KDM3B: variants seen among roughly 807,000 people sequenced by gnomAD.
KDM3B encodes the protein lysine-specific demethylase 3B.
A neutral mutation model predicts 170.0 loss-of-function variants in KDM3B; 10 were observed. The ratio of observed to expected loss-of-function variants is 0.06; its 90% CI spans 0.04 to 0.10. The LOEUF (loss-of-function observed/expected upper bound fraction) is 0.10. Among genes scored for constraint, KDM3B ranks in the 10% least tolerant of loss-of-function variants. The pLI is 1.00. For synonymous variants in KDM3B, 831 were observed against 834.8 expected (o/e 1.00, Z 0.08); for missense variants, 1,394 against 2,195.2 (o/e 0.64, Z 7.29).
In KDM3B at chr5:138,400,081, G is replaced by A. The variant is rs1043392525; in HGVS notation, c.3199+69G>A. On this transcript the variant is annotated intron_variant, in intron 11 of 23. Transcript: ENST00000314358. ...GTATGTCCAAGATGTTGTGGGATTT[G>A]AAAATTGAGGCAGGAATGGGCTTAT... 13 of 1,520,408 alleles carry A rather than the reference G, an allele frequency of 8.6e-6. No individual in the cohort carries two copies. The Admixed American group carries it at 1.4e-4, about 16-fold the overall frequency. The allele number at this position is 1,520,408 out of a possible 1,614,324, so 94.2% of individuals were successfully genotyped here.
chr5:138,417,189 T>C (rs1222401477), intron 12 of KDM3B, among the ~76,000 whole-genome samples: 1 of 152,166 alleles, frequency 6.6e-6, no homozygotes, highest in African/African-American at 2.4e-5. Flanking sequence ...CGTGTTAATG[T>C]TTACTAGAAG....
At chr5:138,363,914 CT>C (rs11409334) in intron 1 of KDM3B, among the ~76,000 whole-genome samples, 106 of 133,862 alleles carry the variant, frequency 7.9e-4, no homozygotes, top group South Asian at 1.2e-3. Flanking sequence ...TTTAGTTTTT[CT>C]TTTTTTTTTT....
At position 138,372,667 on chromosome 5, in the gene KDM3B, C is replaced by T; in HGVS notation, c.193-7C>T. 6.2e-7 allele frequency: 1 copy of T among 1,609,248 alleles called. No homozygotes were observed. The highest frequency in any genetic ancestry group is 1.7e-4 in the Middle Eastern group (1 of 6,040). On this transcript the variant is annotated splice_region_variant and splice_polypyrimidine_tract_variant and intron_variant, in intron 1 of 23. Coordinates refer to ENST00000314358, the MANE Select transcript of KDM3B (RefSeq NM_016604.4). ...GTGACTTCCAAACTGCTTTTTATCT[C>T]TTGCAGATCTTTGTAGAATTTGATG...
chr5:138,419,927 TC>T (rs1763228690), intron 14 of KDM3B, among the ~76,000 whole-genome samples: 1 of 151,504 alleles, frequency 6.6e-6, no homozygotes, highest in Admixed American at 6.6e-5. Context: ...TGCCTGGAGT[TC>T]CGGCTGGAGT....
chr5:138,427,941 C>A, intron 19 of KDM3B, 26 bp from the exon 20 acceptor site: 1 of 1,607,310 alleles, frequency 6.2e-7, no homozygotes, highest in South Asian at 1.1e-5. Flanking sequence ...GGCCCTTCAC[C>A]TTGCATATTT....
At chr5:138,372,978 A>C in intron 2 of KDM3B, 137 bp downstream of exon 2, 1 of 679,040 alleles carries the variant, frequency 1.5e-6, no homozygotes, top group Non-Finnish European at 2.2e-6. Flanking sequence ...TACTAATGCA[A>C]AAATTAGGAG....
intron 1 of KDM3B, among the ~76,000 whole-genome samples, chr5:138,365,734 T>TA (rs1761728359): frequency 6.6e-6 from 1 of 151,842 alleles, no homozygotes; most frequent in East Asian, 1.9e-4. Flanking sequence ...GGCAGTGGTT[T>TA]ACACCTGTAA....
chr5:138,426,471 A>T (rs952707411), intron 17 of KDM3B, among the ~76,000 whole-genome samples: 2 of 150,978 alleles, frequency 1.3e-5, no homozygotes, highest in Non-Finnish European at 2.9e-5. Flanking sequence ...GCTACTCGGC[A>T]GGCTGAGCCA....
chr5:138,357,511 A>G (rs1761481250), intron 1 of KDM3B, among the ~76,000 whole-genome samples: 3 of 150,974 alleles, frequency 2.0e-5, no homozygotes, highest in Admixed American at 2.0e-4. Context: ...CCACAGATGC[A>G]CACTACCACG....
At position 138,378,703 on chromosome 5, in the gene KDM3B, G is replaced by A. The variant is rs79569418; in HGVS notation, c.580+878G>A. Among the ~76,000 whole-genome samples, 46 of 151,550 alleles carry A rather than the reference G, an allele frequency of 3.0e-4. No homozygotes were observed. The East Asian group carries it at 8.5e-3, about 28-fold the overall frequency. On this transcript the variant is annotated intron_variant, in intron 4 of 23. Coordinates refer to ENST00000314358, the MANE Select transcript of KDM3B (RefSeq NM_016604.4). Reference sequence around the variant, plus strand: ...ATGTTAAATAATCAAGGAAAGATACGGCAGAAGAAAGAATATGAGGAAAAT... The same window carrying A: ...ATGTTAAATAATCAAGGAAAGATACAGCAGAAGAAAGAATATGAGGAAAAT...
intron 1 of KDM3B, among the ~76,000 whole-genome samples, chr5:138,365,945 C>T (rs947101543): frequency 1.3e-5 from 2 of 152,080 alleles, no homozygotes; most frequent in African/African-American, 4.8e-5. Flanking sequence ...TTGCAGTGAG[C>T]CTAGATCGCG....
rs1074601 is a variant in KDM3B, at chr5:138,405,461, A to G, written c.3199+5449A>G. ...GTTGAGGCCGCAGGGAGCCATCATCACTTCACTGCACTCTAGCATAGGCAA... is the reference window on the plus strand; with the variant it reads ...GTTGAGGCCGCAGGGAGCCATCATCGCTTCACTGCACTCTAGCATAGGCAA... On this transcript the variant is annotated intron_variant, in intron 11 of 23. Transcript: ENST00000314358. Among the ~76,000 whole-genome samples, 906 of 152,122 alleles carry G rather than the reference A, an allele frequency of 6.0e-3. 16 individuals carry two copies. The highest frequency in any genetic ancestry group is 0.021 in the African/African-American group (857 of 41,502).
intron 11 of KDM3B, among the ~76,000 whole-genome samples, chr5:138,400,352 C>T (rs1458180541): frequency 6.6e-6 from 1 of 151,916 alleles, no homozygotes; most frequent in African/African-American, 2.4e-5. Context: ...CTCGACCTCT[C>T]AGAGTGCTGG....
chr5:138,378,430 T>C (rs1762050837), intron 4 of KDM3B, among the ~76,000 whole-genome samples: 1 of 152,212 alleles, frequency 6.6e-6, no homozygotes, highest in African/African-American at 2.4e-5. Context: ...TAAAAGCTTG[T>C]TGTTTTTAAT....
In KDM3B at chr5:138,406,688, T is replaced by G. The variant is rs189850697; in HGVS notation, c.3199+6676T>G. Among the ~76,000 whole-genome samples the G allele has an allele frequency of 5.9e-5, 9 of 152,054 alleles. No individual in the cohort carries two copies. The East Asian group carries it at 1.7e-3, about 29-fold the overall frequency. On this transcript the variant is annotated intron_variant, in intron 11 of 23. Coordinates refer to ENST00000314358, the MANE Select transcript of KDM3B (RefSeq NM_016604.4). ...AATTAACTTTTTAAAAGAGTATAAA[T>G]GAGAAAAAGATATTTTATATGTGCT...
intron 23 of KDM3B, among the ~76,000 whole-genome samples, chr5:138,432,703 A>G (rs751432786): frequency 6.6e-6 from 1 of 152,156 alleles, no homozygotes; most frequent in Non-Finnish European, 1.5e-5. Flanking sequence ...AGAATTCTCT[A>G]GGCTTTCACT....
Position 138,391,374 on chromosome 5 carries a change from C to A in KDM3B, c.1742C>A (p.Pro581Gln). The stretch of plus-strand genomic sequence containing the variant: ...TCCGTTCTTGGAACAGACACTAAGC[C>A]AGGCTCTAAGGCTGGCAGCTCTGTG... The part of the protein sequence containing the change: ...GRSVLGTDTK[P>Q]GSKAGSSVDR... The change falls in exon 8 of 24, where the codon CCA (proline) becomes CAA (glutamine). Residue 581 changes from proline (P) to glutamine (Q), a missense_variant. Pro to Gln is a moderately conservative substitution (Grantham distance 76). This residue lies in a region of KDM3B where 294 missense variants were observed against 311.7 expected (regional missense o/e 0.94). Transcript: ENST00000314358. This position sits in a 1 kb window ranked among gnomAD's most constrained non-coding sequence, Gnocchi z 5.0. 6.2e-7 allele frequency: 1 copy of A among 1,614,094 alleles called. No homozygotes were observed. The highest frequency in any genetic ancestry group is 1.7e-4 in the Middle Eastern group (1 of 6,060).
At chr5:138,389,738 G>A (rs1762375372) in intron 7 of KDM3B, among the ~76,000 whole-genome samples, 1 of 149,902 alleles carries the variant, frequency 6.7e-6, no homozygotes, top group Non-Finnish European at 1.5e-5. Flanking sequence ...TATAAGTTTG[G>A]GCTCATACCT....
chr5:138,368,282 G>T (rs1761793478), intron 1 of KDM3B, among the ~76,000 whole-genome samples: 1 of 150,894 alleles, frequency 6.6e-6, no homozygotes, highest in South Asian at 2.1e-4. Flanking sequence ...GCCCAGGCTG[G>T]AGTACAGGGG....
Sources: allele counts gnomAD v4.1 joint callset (sites outside exome capture counted in the v4.1 genomes callset), GRCh38; gene constraint gnomAD v4.1.1; regional missense constraint gnomAD v4.1.1; non-coding constraint Gnocchi (gnomAD v3.1); transcripts MANE v1.5; gene names NCBI Gene and HGNC (gene_info 2026-07-23, HGNC 2026-07-21).